Variants in SORCS2 observed in about 807,000 individuals in gnomAD.
The protein encoded by SORCS2 is sortilin related VPS10 domain containing receptor 2, also known as VPS10 domain-containing receptor SorCS2.
Under a neutral mutation model 141.6 loss-of-function variants are expected in SORCS2, and 100 were observed. The ratio of observed to expected loss-of-function variants is 0.71; its 90% CI spans 0.60 to 0.83. The LOEUF is 0.83. Ranked by LOEUF, SORCS2 falls within the 40% of genes least tolerant of loss-of-function variation. The pLI is 0.00. For missense variants in SORCS2, 1,646 were observed against 1,560.2 expected, an observed-to-expected ratio of 1.05 and a Z score of -0.93; for synonymous variants, 789 against 676.9, an observed-to-expected ratio of 1.17 and a Z score of -2.57.
chr4:7,444,900 C>A (rs1315790055), intron 2 of SORCS2, among the ~76,000 whole-genome samples: 1 of 152,252 alleles, frequency 6.6e-6, no homozygotes, highest in Non-Finnish European at 1.5e-5. Context: ...GAGTCAGGAA[C>A]ACACCGAACG....
intron 10 of SORCS2, 78 bp from the exon 11 acceptor site, chr4:7,689,407 AG>A (rs1724072571): frequency 5.1e-6 from 7 of 1,373,356 alleles, no homozygotes; most frequent in Non-Finnish European, 7.0e-6. Context: ...CCACAGGGGC[AG>A]ATTTGTCATC....
intron 18 of SORCS2, among the ~76,000 whole-genome samples, chr4:7,719,145 T>C (rs1376312763): frequency 6.6e-6 from 1 of 152,206 alleles, no homozygotes; most frequent in Non-Finnish European, 1.5e-5. Flanking sequence ...ATGCAGCTAG[T>C]GCGGCTTCAC....
chr4:7,382,440 C>G (rs1723047390), intron 1 of SORCS2, among the ~76,000 whole-genome samples: 1 of 152,142 alleles, frequency 6.6e-6, no homozygotes. Flanking sequence ...CCTCCTGAGA[C>G]AGCCCCAGGG....
chr4:7,295,411 T>C (rs1181760758), intron 1 of SORCS2, among the ~76,000 whole-genome samples: 1 of 151,870 alleles, frequency 6.6e-6, no homozygotes, highest in African/African-American at 2.4e-5. Flanking sequence ...GCTACTGGGC[T>C]TTGTCCAGGG....
intron 2 of SORCS2, among the ~76,000 whole-genome samples, chr4:7,481,836 G>A (rs560448673): frequency 3.3e-5 from 5 of 152,210 alleles, no homozygotes; most frequent in East Asian, 3.9e-4. Context: ...CGCTGGCAAC[G>A]GCGACCTTTG....
At chr4:7,706,215 C>T (rs1161456609) in intron 14 of SORCS2, among the ~76,000 whole-genome samples, 10 of 71,408 alleles carry the variant, frequency 1.4e-4, no homozygotes, top group South Asian at 5.5e-4. Flanking sequence ...GGCTGGGCTC[C>T]GTCTGGGCAG....
At chr4:7,623,892 A>G (rs1719361943) in intron 3 of SORCS2, among the ~76,000 whole-genome samples, 1 of 152,166 alleles carries the variant, frequency 6.6e-6, no homozygotes, top group African/African-American at 2.4e-5. Flanking sequence ...AGAGCAGAGG[A>G]AGAGCAGCGC....
intron 18 of SORCS2, among the ~76,000 whole-genome samples, chr4:7,721,228 GC>G (rs1726569923): frequency 6.6e-6 from 1 of 152,218 alleles, no homozygotes; most frequent in African/African-American, 2.4e-5. Context: ...AGTTTGGGAG[GC>G]CGAGGTGGGT....
intron 1 of SORCS2, among the ~76,000 whole-genome samples, chr4:7,326,437 C>T (rs1021524096): frequency 5.9e-5 from 9 of 151,732 alleles, no homozygotes; most frequent in Admixed American, 2.0e-4. Context: ...TGCCCACAGC[C>T]CTGCCGCCCC....
intron 3 of SORCS2, among the ~76,000 whole-genome samples, chr4:7,609,861 G>A (rs16840631): frequency 0.016 from 2,400 of 152,310 alleles, 57 homozygotes; most frequent in African/African-American, 0.054. Context: ...TGTGGAGTCT[G>A]CCTAACCCCA....
chr4:7,321,305 T>G (rs966356335), intron 1 of SORCS2, among the ~76,000 whole-genome samples: 4 of 152,188 alleles, frequency 2.6e-5, no homozygotes. Context: ...TAGTATTCCA[T>G]GGTGTATGTA....
intron 3 of SORCS2, among the ~76,000 whole-genome samples, chr4:7,613,671 A>C (rs926104739): frequency 1.6e-4 from 24 of 151,888 alleles, no homozygotes; most frequent in South Asian, 4.2e-4. Flanking sequence ...CCGATTCCAC[A>C]CTCTCTCATC....
rs183149801 is a variant in SORCS2, at chr4:7,228,995, G to A, written c.480+35869G>A. 1.2e-3 allele frequency among the ~76,000 whole-genome samples: 184 copies of A among 152,320 alleles called. 1 individual carries two copies. Among genetic ancestry groups the A allele is most frequent in the Non-Finnish European group, 1.7e-3 (116 of 68,014 alleles). On this transcript the variant is annotated intron_variant, in intron 1 of 26. Coordinates refer to ENST00000507866, the MANE Select transcript of SORCS2 (RefSeq NM_020777.3). ...CCGTCCCTGCCCCGAGTGGACTTGC[G>A]TGAGGCCTGCCGCGCCTTGCTCTGC...
At chr4:7,530,152 G>C (rs911215091) in intron 2 of SORCS2, among the ~76,000 whole-genome samples, 1 of 152,234 alleles carries the variant, frequency 6.6e-6, no homozygotes, top group Non-Finnish European at 1.5e-5. Flanking sequence ...AACCACCAAA[G>C]ATGTGTTCTA....
At chr4:7,724,561 ATGG>A (rs1402223607) in intron 19 of SORCS2, among the ~76,000 whole-genome samples, 1 of 106,242 alleles carries the variant, frequency 9.4e-6, no homozygotes, top group Non-Finnish European at 1.9e-5. Context: ...GTGGGAATGG[ATGG>A]TGGTGGTGAT....
chr4:7,246,397 C>T (rs1340561849), intron 1 of SORCS2, among the ~76,000 whole-genome samples: 5 of 151,706 alleles, frequency 3.3e-5, no homozygotes, highest in South Asian at 4.2e-4. Context: ...AGATCTCACC[C>T]GGGGCTTAAA....
At chr4:7,220,276 TG>T (rs1315847555) in intron 1 of SORCS2, among the ~76,000 whole-genome samples, 2 of 148,058 alleles carry the variant, frequency 1.4e-5, no homozygotes, top group African/African-American at 5.0e-5. Flanking sequence ...GGGGAGGGGG[TG>T]GGGGACGGCC....
chr4:7,226,822 C>T (rs1045603523), intron 1 of SORCS2, among the ~76,000 whole-genome samples: 1 of 152,328 alleles, frequency 6.6e-6, no homozygotes, highest in South Asian at 2.1e-4. Flanking sequence ...CAAGCACCGC[C>T]GGGAAGCACC....
chr4:7,389,470 A>T (rs1194409773), intron 1 of SORCS2, among the ~76,000 whole-genome samples: 1 of 152,174 alleles, frequency 6.6e-6, no homozygotes, highest in Non-Finnish European at 1.5e-5. Context: ...GGACGAGTAC[A>T]CAGATGGGGC....
Sources: allele counts gnomAD v4.1 joint callset (sites outside exome capture counted in the v4.1 genomes callset), GRCh38; gene constraint gnomAD v4.1.1; transcripts MANE v1.5; gene names NCBI Gene and HGNC (gene_info 2026-07-23, HGNC 2026-07-21).